The following PROCR variants were observed in gnomAD, a reference collection of about 807,000 sequenced individuals.
PROCR encodes the protein endothelial protein C receptor.
PROCR carries 22 observed loss-of-function variants against 24.2 expected under a neutral mutation model. That is an observed-to-expected ratio of 0.91 (90% CI 0.65 to 1.30). The LOEUF is 1.30. PROCR is among the 50% of genes most tolerant of loss of function. The pLI is 0.00. For missense variants in PROCR, 288 were observed against 307.7 expected (o/e 0.94, Z 0.48); for synonymous variants, 137 against 139.2 (o/e 0.98, Z 0.11).
Position 35,197,771 on chromosome 20 carries a change from G to A in PROCR, c.95-18122G>A, listed in dbSNP as rs547500892. ...CAGGAGGCAGGGGTCACAGTGAGCC[G>A]AGATCGCGCCACTGCACTCCAGCCT... On this transcript the variant is annotated intron_variant, in intron 1 of 1. Coordinates refer to the PROCR transcript ENST00000634509. 6.7e-5 allele frequency among the ~76,000 whole-genome samples: 10 copies of A among 150,272 alleles called. No homozygotes were observed. The South Asian group carries it at 1.5e-3, about 22-fold the overall frequency.
intron 1 of PROCR, among the ~76,000 whole-genome samples, chr20:35,189,838 C>T (rs1483339926): frequency 6.6e-6 from 1 of 152,128 alleles, no homozygotes; most frequent in African/African-American, 2.4e-5. Context: ...GTATCTACAA[C>T]AGTGCCAGGA....
chr20:35,201,755 A>G (rs1346382582), intron 1 of PROCR: 1 of 152,128 alleles, frequency 6.6e-6, no homozygotes, highest in Non-Finnish European at 1.5e-5. Context: ...ATGCTATTAC[A>G]TTTTATTTTA....
downstream of PROCR, among the ~76,000 whole-genome samples, chr20:35,179,157 C>T (rs557356675): frequency 1.5e-4 from 21 of 144,648 alleles, no homozygotes; most frequent in Non-Finnish European, 2.4e-4. Flanking sequence ...GGCATGAATC[C>T]GGGAGGCAGA....
At chr20:35,187,920 T>C (rs1331545832) in intron 1 of PROCR, among the ~76,000 whole-genome samples, 1 of 152,230 alleles carries the variant, frequency 6.6e-6, no homozygotes, top group Non-Finnish European at 1.5e-5. Flanking sequence ...GGAATGATCT[T>C]AGAATGTTTG....
chr20:35,187,564 C>T (rs2086138814), intron 1 of PROCR, among the ~76,000 whole-genome samples: 1 of 152,134 alleles, frequency 6.6e-6, no homozygotes. Flanking sequence ...GAGGGATTCT[C>T]TGAAAATTTT....
intron 1 of PROCR, among the ~76,000 whole-genome samples, chr20:35,215,707 A>G (rs145875017): frequency 5.6e-4 from 85 of 152,046 alleles, no homozygotes; most frequent in African/African-American, 2.0e-3. Context: ...CACTTCTCTC[A>G]CCCTTTCCTT....
At chr20:35,191,512 T>A (rs554187682) in intron 1 of PROCR, among the ~76,000 whole-genome samples, 3 of 151,654 alleles carry the variant, frequency 2.0e-5, no homozygotes, top group African/African-American at 7.3e-5. Flanking sequence ...GGTAGAAAAA[T>A]AAGGAAGGTC....
At chr20:35,190,892 G>C (rs553894538) in intron 1 of PROCR, among the ~76,000 whole-genome samples, 147 of 152,122 alleles carry the variant, frequency 9.7e-4, no homozygotes, top group African/African-American at 3.5e-3. Context: ...ACAGAGTCTC[G>C]CTCCGTCGCC....
intron 1 of PROCR, among the ~76,000 whole-genome samples, chr20:35,215,384 C>T (rs141047330): frequency 1.3e-5 from 2 of 152,292 alleles, no homozygotes; most frequent in East Asian, 1.9e-4. Context: ...GGAAACCTTC[C>T]TTGATCTCCC....
At position 35,196,943 on chromosome 20, in the gene PROCR, G is replaced by A. The variant is rs192935933; in HGVS notation, c.95-18950G>A. ...GACAATTATAAACAACAGGGGGAAG[G>A]TAAAGGGACCCATATACAGGCATAC... On this transcript the variant is annotated intron_variant, in intron 1 of 1. Transcript: ENST00000634509. Among the ~76,000 whole-genome samples the A allele has an allele frequency of 2.8e-3, 422 of 152,242 alleles. 1 individual carries two copies. The highest frequency in any genetic ancestry group is 6.8e-3 in the Middle Eastern group (2 of 294).
Position 35,176,402 on chromosome 20 carries a change from G to T in PROCR, c.557G>T (p.Cys186Phe). The change falls in exon 3 of 4, where the codon TGT (cysteine) becomes TTT (phenylalanine). Residue 186 changes from cysteine to phenylalanine, a missense_variant. Transcript: ENST00000216968. ...YELREFLEDT[C>F]VQYVQKHISA... ...CTGCGGGAATTCCTGGAGGACACCT[G>T]TGTGCAGTATGTGCAGAAACATATT... is the stretch of plus-strand genomic sequence containing the variant. 1 of 1,614,220 alleles carries T rather than the reference G, an allele frequency of 6.2e-7. No individual in the cohort carries two copies.
At chr20:35,208,963 C>T (rs1351580364) in intron 1 of PROCR, among the ~76,000 whole-genome samples, 1 of 152,146 alleles carries the variant, frequency 6.6e-6, no homozygotes, top group Non-Finnish European at 1.5e-5. Flanking sequence ...TACAGCAAGA[C>T]TCCATCCCCA....
At chr20:35,198,009 G>T (rs1331985161) in intron 1 of PROCR, among the ~76,000 whole-genome samples, 1 of 151,902 alleles carries the variant, frequency 6.6e-6, no homozygotes, top group Admixed American at 6.6e-5. Flanking sequence ...TTAAGGCCAG[G>T]CGCGGTGGCT....
intron 1 of PROCR, among the ~76,000 whole-genome samples, chr20:35,191,304 G>A (rs1216362473): frequency 1.3e-5 from 2 of 151,952 alleles, no homozygotes; most frequent in South Asian, 4.1e-4. Flanking sequence ...TATTGAGTCG[G>A]GTCACTAGAA....
At chr20:35,196,523 G>T (rs1286350419) in intron 1 of PROCR, among the ~76,000 whole-genome samples, 3 of 152,094 alleles carry the variant, frequency 2.0e-5, no homozygotes, top group Non-Finnish European at 4.4e-5. Flanking sequence ...TCTTATGACT[G>T]TAGATTTTTC....
Position 35,176,184 on chromosome 20 carries a change from C to G in PROCR, c.339C>G (p.Arg113=). The change falls in exon 3 of 4, where the codon CGC becomes CGG. Residue 113 remains arginine (R), a synonymous_variant. Coordinates refer to ENST00000216968, the MANE Select transcript of PROCR (RefSeq NM_006404.5). Reference sequence around the variant, plus strand: ...TATCCACAGTTCCTCTGACCATCCGCTGCTTCCTGGGCTGTGAGCTGCCTC... The same window carrying G: ...TATCCACAGTTCCTCTGACCATCCGGTGCTTCCTGGGCTGTGAGCTGCCTC... ...ERTLAFPLTI[R]CFLGCELPPE... 6.2e-7 allele frequency: 1 copy of G among 1,611,280 alleles called. No homozygotes were observed. The highest frequency in any genetic ancestry group is 8.5e-7 in the Non-Finnish European group (1 of 1,178,816).
chr20:35,173,502 T>A (rs1211130274), intron 1 of PROCR, among the ~76,000 whole-genome samples: 2 of 144,468 alleles, frequency 1.4e-5, no homozygotes, highest in Non-Finnish European at 1.5e-5. Context: ...CAATTTCAGC[T>A]AACTGTAACC....
rs1243898113 is a variant in PROCR at position 35,174,841 on chromosome 20, G to T, written c.210G>T (p.Leu70=). ...ACACCAACACCACGATCATTCAGCT[G>T]CAGCCCTTGCAGGAGCCCGAGAGCT... is the stretch of plus-strand genomic sequence containing the variant. ...GPDTNTTIIQ[L]QPLQEPESWA... The change falls in exon 2 of 4, where the codon CTG becomes CTT. Residue 70 remains leucine (L), a synonymous_variant. Transcript: ENST00000216968. 6 of 1,614,052 alleles carry T rather than the reference G, an allele frequency of 3.7e-6. No individual in the cohort carries two copies. Among genetic ancestry groups the T allele is most frequent in the Admixed American group, 1.7e-5 (1 of 60,008 alleles).
chr20:35,210,822 C>T (rs1600757297), intron 1 of PROCR, among the ~76,000 whole-genome samples: 1 of 151,888 alleles, frequency 6.6e-6, no homozygotes, highest in South Asian at 2.1e-4. Context: ...AAGCGATTCT[C>T]CTGCCTCAGC....
Sources: allele counts gnomAD v4.1 joint callset (sites outside exome capture counted in the v4.1 genomes callset), GRCh38; gene constraint gnomAD v4.1.1; transcripts MANE v1.5; gene names NCBI Gene and HGNC (gene_info 2026-07-23, HGNC 2026-07-21).